IGSF5: variants seen among roughly 807,000 people sequenced by gnomAD.
IGSF5 encodes immunoglobulin superfamily member 5.
IGSF5 carries 41 observed loss-of-function variants against 39.4 expected under a neutral mutation model. The ratio of observed to expected loss-of-function variants is 1.04; its 90% confidence interval spans 0.81 to 1.35. The LOEUF (loss-of-function observed/expected upper bound fraction) is 1.35. Among genes scored for constraint, IGSF5 ranks in the 40% most tolerant of loss-of-function variants. The pLI is 0.00. For missense variants in IGSF5, 487 were observed against 494.6 expected (o/e 0.98, Z 0.15); for synonymous variants, 183 against 175.3 (o/e 1.04, Z -0.34).
At chr21:39,796,914 T>A (rs540761326) in intron 8 of IGSF5, among the ~76,000 whole-genome samples, 101 of 152,292 alleles carry the variant, frequency 6.6e-4, no homozygotes, top group South Asian at 1.7e-3. Context: ...TTTGTCTTAA[T>A]AGATCGCAGA....
In IGSF5 at chr21:39,752,930, T is replaced by A. The variant is rs182695958; in HGVS notation, c.100+6632T>A. ...TTGTTGGAGGCATAGTTTGCAAATA[T>A]TTCCCCCCACTCTGTGGGTTGTGTG... On this transcript the variant is annotated intron_variant, in intron 2 of 8. Coordinates refer to ENST00000380588, the MANE Select transcript of IGSF5 (RefSeq NM_001080444.2). Among the ~76,000 whole-genome samples, 182 of 152,358 alleles carry A rather than the reference T, an allele frequency of 1.2e-3. 1 individual carries two copies. The highest frequency in any genetic ancestry group is 8.0e-3 in the Admixed American group (122 of 15,298).
At chr21:39,751,625 G>T (rs8129939) in intron 2 of IGSF5, among the ~76,000 whole-genome samples, 2 of 150,406 alleles carry the variant, frequency 1.3e-5, no homozygotes, top group African/African-American at 4.9e-5. Flanking sequence ...GATGGGCTGG[G>T]GGGGGTGGGG....
intron 5 of IGSF5, among the ~76,000 whole-genome samples, chr21:39,787,772 C>A (rs999967257): frequency 6.6e-6 from 1 of 152,034 alleles, no homozygotes; most frequent in Non-Finnish European, 1.5e-5. Context: ...TTGGTGCTGG[C>A]ACATGGTAAA....
chr21:39,796,261 C>T (rs1350186883), intron 8 of IGSF5, among the ~76,000 whole-genome samples: 2 of 152,124 alleles, frequency 1.3e-5, no homozygotes, highest in Non-Finnish European at 2.9e-5. Context: ...GAAGCTACAG[C>T]TTGTAGAAGC....
intron 8 of IGSF5, among the ~76,000 whole-genome samples, chr21:39,795,910 G>A (rs540135812): frequency 1.3e-5 from 2 of 152,252 alleles, no homozygotes; most frequent in African/African-American, 2.4e-5. Context: ...GTCTGGGCTA[G>A]AAACTAATGA....
intron 2 of IGSF5, among the ~76,000 whole-genome samples, chr21:39,762,187 G>A (rs1324305502): frequency 6.6e-6 from 1 of 152,200 alleles, no homozygotes; most frequent in Non-Finnish European, 1.5e-5. Context: ...GACAAAAAGA[G>A]TCAAACTTCG....
intron 8 of IGSF5, among the ~76,000 whole-genome samples, chr21:39,798,027 C>A (rs187163749): frequency 2.0e-5 from 3 of 152,144 alleles, no homozygotes; most frequent in African/African-American, 7.2e-5. Context: ...GCCCCCAGGA[C>A]GGGGAAATTT....
upstream of IGSF5, among the ~76,000 whole-genome samples, chr21:39,744,365 CT>C (rs1569245165): frequency 1.4e-5 from 2 of 145,094 alleles, no homozygotes; most frequent in Admixed American, 6.9e-5. Context: ...TGTAGCGAAC[CT>C]TTTGAGTCAG....
intron 8 of IGSF5, among the ~76,000 whole-genome samples, chr21:39,796,919 C>T (rs894672203): frequency 3.3e-5 from 5 of 152,188 alleles, no homozygotes; most frequent in African/African-American, 7.2e-5. Context: ...CTTAATAGAT[C>T]GCAGAACAGG....
Position 39,801,348 on chromosome 21 carries a change from T to C in IGSF5, c.1215T>C (p.Thr405=), listed in dbSNP as rs780191676. 1.4e-5 allele frequency: 22 copies of C among 1,612,146 alleles called. No individual in the cohort carries two copies. The highest frequency in any genetic ancestry group is 1.8e-5 in the Non-Finnish European group (21 of 1,178,360). ...GTCCTGAGAAGGTCAGTAATACAAC[T>C]GTAGTATAGCAAAGCCTTCCCCAAG... is the stretch of plus-strand genomic sequence containing the variant. The part of the protein sequence containing the change: ...LASPEKVSNT[T]VV The change falls in exon 9 of 9, where the codon ACT becomes ACC. Residue 405 remains threonine, a synonymous_variant. Coordinates refer to ENST00000380588, the MANE Select transcript of IGSF5 (RefSeq NM_001080444.2).
At chr21:39,723,035 T>C in the IGSF5 span, among the ~76,000 whole-genome samples, 20 of 152,360 alleles carry the variant, frequency 1.3e-4, no homozygotes, top group African/African-American at 4.6e-4. Context: ...TATCTATTGC[T>C]ATGTAACAAA....
At chr21:39,787,000 C>T (rs9974301) in intron 5 of IGSF5, among the ~76,000 whole-genome samples, 19 of 151,914 alleles carry the variant, frequency 1.3e-4, no homozygotes, top group African/African-American at 4.6e-4. Context: ...GGAGATATAC[C>T]TATTGCTAGA....
chr21:39,777,556 A>G (rs771740372), intron 4 of IGSF5, among the ~76,000 whole-genome samples: 6 of 151,582 alleles, frequency 4.0e-5, no homozygotes, highest in Non-Finnish European at 7.4e-5. Flanking sequence ...GGAAGGGTGT[A>G]ATCTGTTCCT....
At chr21:39,785,382 T>C (rs996218174) in intron 5 of IGSF5, among the ~76,000 whole-genome samples, 1 of 152,194 alleles carries the variant, frequency 6.6e-6, no homozygotes, top group Admixed American at 6.5e-5. Flanking sequence ...TGCGGTGTTA[T>C]TTCTGAGGGC....
At chr21:39,759,299 A>T (rs1163230122) in intron 2 of IGSF5, among the ~76,000 whole-genome samples, 1 of 152,220 alleles carries the variant, frequency 6.6e-6, no homozygotes. Context: ...GTGTTTGGGG[A>T]TGAAGATATT....
intron 5 of IGSF5, among the ~76,000 whole-genome samples, chr21:39,781,496 G>T (rs568145890): frequency 6.6e-6 from 1 of 152,158 alleles, no homozygotes; most frequent in Non-Finnish European, 1.5e-5. Context: ...ATTCTCAGAA[G>T]TAGGATTGCT....
chr21:39,774,353 C>T (rs1234088028), intron 4 of IGSF5, among the ~76,000 whole-genome samples: 2 of 152,210 alleles, frequency 1.3e-5, no homozygotes, highest in Admixed American at 6.5e-5. Context: ...CATTTTTCCA[C>T]CCATTTCCTA....
At chr21:39,749,739 G>A (rs1175872325) in intron 2 of IGSF5, among the ~76,000 whole-genome samples, 1 of 152,252 alleles carries the variant, frequency 6.6e-6, no homozygotes, top group Non-Finnish European at 1.5e-5. Context: ...AGGTAGACAA[G>A]AGACACAAGG....
the IGSF5 span, among the ~76,000 whole-genome samples, chr21:39,728,273 G>T: frequency 7.3e-4 from 111 of 152,264 alleles, no homozygotes; most frequent in African/African-American, 2.5e-3. Context: ...GGCTGGATTA[G>T]GGTGGGCCCT....
Sources: allele counts gnomAD v4.1 joint callset (sites outside exome capture counted in the v4.1 genomes callset), GRCh38; gene constraint gnomAD v4.1.1; transcripts MANE v1.5; gene names NCBI Gene and HGNC (gene_info 2026-07-23, HGNC 2026-07-21).